ZNF431: variants seen among roughly 807,000 people sequenced by gnomAD.
The protein encoded by ZNF431 is zinc finger protein 431.
In ZNF431, 34 loss-of-function variants were observed where a neutral mutation model predicts 57.0. That is an observed-to-expected ratio of 0.60 (90% CI 0.45 to 0.79). The LOEUF is 0.79. ZNF431 is among the 30% of genes least tolerant of loss of function. The pLI is 0.00. For missense variants in ZNF431, 607 were observed against 667.1 expected (o/e 0.91, Z 0.99); for synonymous variants, 207 against 220.3 (o/e 0.94, Z 0.54).
chr19:21,144,179 A>G (rs926472186), intron 2 of ZNF431, among the ~76,000 whole-genome samples: 2 of 151,790 alleles, frequency 1.3e-5, no homozygotes, highest in Non-Finnish European at 2.9e-5. Context: ...AAATTGCATT[A>G]TATTAGTAGG....
chr19:21,171,887 A>AT lies in ZNF431; in HGVS notation c.319+4227dup, dbSNP rs1295430748. Among the ~76,000 whole-genome samples the AT allele has an allele frequency of 2.7e-5, 4 of 150,188 alleles. No homozygotes were observed. The East Asian group carries it at 8.0e-4, about 30-fold the overall frequency. ...AGGCATCTGCCACCATGCCCGGCTA[A>AT]TTTTTTGTATTTTTAGTAGAGATGG... On this transcript the variant is annotated intron_variant, in intron 4 of 4. Coordinates refer to ENST00000311048, the MANE Select transcript of ZNF431 (RefSeq NM_133473.4).
intron 4 of ZNF431, among the ~76,000 whole-genome samples, chr19:21,171,623 G>A (rs1016803945): frequency 7.0e-6 from 1 of 141,988 alleles, no homozygotes; most frequent in African/African-American, 2.7e-5. Flanking sequence ...TTCAGTGGCT[G>A]TTTTATCTTG....
At chr19:21,145,724 T>G (rs1431469715) in intron 2 of ZNF431, among the ~76,000 whole-genome samples, 1 of 152,064 alleles carries the variant, frequency 6.6e-6, no homozygotes, top group Non-Finnish European at 1.5e-5. Context: ...GTTAGATTTA[T>G]GTAAAAAAAA....
chr19:21,177,181 T>G (rs1402238675), intron 4 of ZNF431, among the ~76,000 whole-genome samples: 1 of 152,056 alleles, frequency 6.6e-6, no homozygotes, highest in Non-Finnish European at 1.5e-5. Flanking sequence ...ATTTAAGTCT[T>G]TAATTCATCT....
intron 2 of ZNF431, among the ~76,000 whole-genome samples, chr19:21,162,441 C>T (rs975788417): frequency 4.6e-5 from 7 of 151,718 alleles, no homozygotes; most frequent in African/African-American, 1.2e-4. Flanking sequence ...TGAAGTGCTG[C>T]GATTACAGGC....
At position 21,191,181 on chromosome 19, in the gene ZNF431, GCA is replaced by G. The variant is rs1392713143; in HGVS notation, c.*7148_*7149del. ...TAAATCAAAAAACTTGCGGCCAGGC[GCA>G]GTGGCTCACACCTGTAATCCCAGCA... On this transcript the variant is annotated 3_prime_UTR_variant, in exon 5 of 5. Coordinates refer to ENST00000311048, the MANE Select transcript of ZNF431 (RefSeq NM_133473.4). The G allele has an allele frequency of 6.6e-6, 1 of 152,034 alleles. No homozygotes were observed. Among genetic ancestry groups the G allele is most frequent in the Non-Finnish European group, 1.5e-5 (1 of 68,058 alleles). The allele number at this position is 152,034 out of a possible 1,614,324, so 9.4% of individuals were successfully genotyped here.
intron 2 of ZNF431, 120 bp from the exon 3 acceptor site, chr19:21,166,215 T>C (rs1286911602): frequency 1.4e-6 from 2 of 1,407,372 alleles, no homozygotes; most frequent in Non-Finnish European, 9.5e-7. Context: ...ATAATTTCAG[T>C]TATTCTTATA....
rs761384391 is a variant in ZNF431, at chr19:21,143,594, G to A, written c.47G>A (p.Gly16Glu). The A allele has an allele frequency of 1.9e-6, 3 of 1,614,002 alleles. No individual in the cohort carries two copies. The East Asian group carries it at 6.7e-5, about 36-fold the overall frequency. ...GTGTATCCTCTCAAGGAAGCAAGTG[G>A]ATGCCCTGGGGCTGAGAGGAATCTT... ...YGVYPLKEASGCPGAERNLLV... is the reference protein window; with the variant it reads ...YGVYPLKEASECPGAERNLLV... The change falls in exon 2 of 5, where the codon GGA (glycine) becomes GAA (glutamate). Residue 16 changes from glycine (G) to glutamate (E), a missense_variant. By Grantham distance (98) the Gly-to-Glu change is moderately conservative. Transcript: ENST00000311048.
chr19:21,184,072 G>T lies in ZNF431; in HGVS notation c.*38G>T, dbSNP rs770710432. 1.3e-6 allele frequency: 2 copies of T among 1,510,212 alleles called. No homozygotes were observed. The highest frequency in any genetic ancestry group is 2.3e-5 in the East Asian group (1 of 43,940). The allele number at this position is 1,510,212 out of a possible 1,614,324, so 93.6% of individuals were successfully genotyped here. ...TCTTACTAAGCATTAAATATTGGCC[G>T]GGTGCGGTGGCTTATGCAAAATGGC... On this transcript the variant is annotated 3_prime_UTR_variant, in exon 5 of 5. Transcript: ENST00000311048.
chr19:21,162,707 G>T (rs1970610578), intron 2 of ZNF431: 6 of 985,252 alleles, frequency 6.1e-6, no homozygotes, highest in Non-Finnish European at 7.2e-6. Context: ...GGTGAATCCT[G>T]CTGCCTTTCT....
chr19:21,167,464 A>G, intron 3 of ZNF431, 107 bp from the exon 4 acceptor site: 2 of 853,374 alleles, frequency 2.3e-6, no homozygotes, highest in Non-Finnish European at 1.6e-6. Flanking sequence ...CAGCCTTTGG[A>G]TTAATTTTCT....
chr19:21,164,903 G>T (rs768960488), intron 2 of ZNF431, among the ~76,000 whole-genome samples: 15 of 151,578 alleles, frequency 9.9e-5, no homozygotes, highest in Non-Finnish European at 2.2e-4. Flanking sequence ...TTGAGGTTGG[G>T]CGTTCAAGAC....
At chr19:21,172,571 C>T (rs1439553719) in intron 4 of ZNF431, among the ~76,000 whole-genome samples, 2 of 152,128 alleles carry the variant, frequency 1.3e-5, no homozygotes, top group Non-Finnish European at 2.9e-5. Context: ...GAAGCCAACA[C>T]AGCAGTATCA....
At chr19:21,162,109 T>G (rs1328838870) in intron 2 of ZNF431, among the ~76,000 whole-genome samples, 1 of 148,274 alleles carries the variant, frequency 6.7e-6, no homozygotes, top group Non-Finnish European at 1.5e-5. Flanking sequence ...CCCAAGTAAC[T>G]GGGATTACAG....
At chr19:21,169,785 G>A (rs1053264085) in intron 4 of ZNF431, 4 of 398,614 alleles carry the variant, frequency 1.0e-5, no homozygotes, top group Non-Finnish European at 1.8e-5. Context: ...TCAGGTCACT[G>A]TGTGGGTTTC....
At chr19:21,172,642 A>AT (rs959290915) in intron 4 of ZNF431, among the ~76,000 whole-genome samples, 50 of 152,120 alleles carry the variant, frequency 3.3e-4, no homozygotes, top group African/African-American at 1.1e-3. Flanking sequence ...CTCTATAAAA[A>AT]TTTTTAAAAA....
At chr19:21,175,792 A>AT (rs1971031855) in intron 4 of ZNF431, among the ~76,000 whole-genome samples, 1 of 152,202 alleles carries the variant, frequency 6.6e-6, no homozygotes, top group African/African-American at 2.4e-5. Context: ...TCTATGGTGC[A>AT]TATGTACCAC....
At chr19:21,163,248 C>T (rs1452124126) in intron 2 of ZNF431, among the ~76,000 whole-genome samples, 1 of 152,192 alleles carries the variant, frequency 6.6e-6, no homozygotes, top group African/African-American at 2.4e-5. Context: ...TTGCTGCTTT[C>T]TGTTTCCTCT....
rs1971526044 is a variant in ZNF431, at chr19:21,192,322, C to CT, written c.*8289dup. On this transcript the variant is annotated 3_prime_UTR_variant, in exon 5 of 5. Coordinates refer to ENST00000311048, the MANE Select transcript of ZNF431 (RefSeq NM_133473.4). ...TAGCTGAAACTACAGGCGCCTCCTA[C>CT]TACACCCAGCTAATTTTTTTATTTC... The CT allele has an allele frequency of 6.6e-6, 1 of 152,126 alleles. No homozygotes were observed. The highest frequency in any genetic ancestry group is 2.4e-5 in the African/African-American group (1 of 41,416). 9.4% of individuals were successfully genotyped at this position (152,126 alleles called of 1,614,324 possible). A position where few individuals can be genotyped will look rare whatever the true frequency, so the allele number is the denominator to read the frequency against.
Sources: allele counts gnomAD v4.1 joint callset (sites outside exome capture counted in the v4.1 genomes callset), GRCh38; gene constraint gnomAD v4.1.1; transcripts MANE v1.5; gene names NCBI Gene and HGNC (gene_info 2026-07-23, HGNC 2026-07-21).